The following HBEGF variants were observed in gnomAD, a reference collection of about 807,000 sequenced individuals.
HBEGF encodes the protein heparin binding EGF like growth factor.
A neutral mutation model predicts 19.5 loss-of-function variants in HBEGF; 8 were observed. That is an observed-to-expected ratio of 0.41 (90% CI 0.24 to 0.74). The LOEUF (loss-of-function observed/expected upper bound fraction) is 0.74, where lower values mean the gene tolerates loss of function less well. HBEGF is among the 30% of genes least tolerant of loss of function. HBEGF has a pLI of 0.32. For synonymous variants in HBEGF, 97 were observed against 108.9 expected, an observed-to-expected ratio of 0.89 and a Z score of 0.68; for missense variants, 207 against 256.9, an observed-to-expected ratio of 0.81 and a Z score of 1.33.
chr5:140,344,043 C>T (rs1766356107), intron 2 of HBEGF, among the ~76,000 whole-genome samples: 1 of 151,704 alleles, frequency 6.6e-6, no homozygotes, highest in South Asian at 2.1e-4. Context: ...GAGGCTGAGG[C>T]AGGAGAATCA....
intron 2 of HBEGF, 119 bp downstream of exon 2, chr5:140,345,792 C>T: frequency 8.1e-7 from 1 of 1,240,556 alleles, no homozygotes; most frequent in Non-Finnish European, 1.2e-6. Context: ...ATCAGCTTTT[C>T]CCCGAGGTTC....
chr5:140,333,708 G>C lies in HBEGF; in HGVS notation c.*591C>G, dbSNP rs536403592. The C allele has an allele frequency of 6.6e-6, 1 of 152,640 alleles. No homozygotes were observed. Among genetic ancestry groups the C allele is most frequent in the East Asian group, 1.9e-4 (1 of 5,188 alleles). The allele number at this position is 152,640 out of a possible 1,614,324, so 9.5% of individuals were successfully genotyped here. On this transcript the variant is annotated 3_prime_UTR_variant, in exon 6 of 6. Coordinates refer to ENST00000230990, the MANE Select transcript of HBEGF (RefSeq NM_001945.3). ...AATAAAATAAATATATAATTTAAGA[G>C]GCATTTACAAACAACAACAACAAAA...
chr5:140,336,127 G>A (rs1766224320), intron 3 of HBEGF, 100 bp from the exon 4 acceptor site: 1 of 1,240,416 alleles, frequency 8.1e-7, no homozygotes, highest in Admixed American at 2.1e-5. Context: ...CATACCCTCA[G>A]CCTGTCAATC....
At chr5:140,339,390 TTTA>T (rs1314101366) in intron 3 of HBEGF, among the ~76,000 whole-genome samples, 2 of 152,108 alleles carry the variant, frequency 1.3e-5, no homozygotes, top group Non-Finnish European at 2.9e-5. Flanking sequence ...CTTTTATTTA[TTTA>T]TTATTATTAT....
chr5:140,346,019 T>A lies in HBEGF; in HGVS notation c.112A>T (p.Ser38Cys). ...RLRRGLAAGT[S>C]NPDPPTVSTD... ...GATACAGTGGGAGGGTCCGGGTTGC[T>A]GGTTCCAGCAGCTAGCCCTCTCCGA... The change falls in exon 2 of 6, where the codon AGC becomes TGC. Residue 38 changes from serine (S) to cysteine (C), a missense_variant. Physicochemically the swap from Ser to Cys is moderately radical, Grantham distance 112. Around this residue, in one of 3 missense-constraint regions of HBEGF, gnomAD observed 127 missense variants for 132.7 expected, o/e 0.96. Transcript: ENST00000230990. This position sits in a 1 kb window ranked among gnomAD's most constrained non-coding sequence, Gnocchi z 6.1. 6.2e-7 allele frequency: 1 copy of A among 1,614,136 alleles called. No homozygotes were observed. Among genetic ancestry groups the A allele is most frequent in the Middle Eastern group, 1.7e-4 (1 of 6,060 alleles).
intron 3 of HBEGF, among the ~76,000 whole-genome samples, chr5:140,336,934 T>C (rs1471229356): frequency 6.6e-6 from 1 of 150,812 alleles, no homozygotes; most frequent in Non-Finnish European, 1.5e-5. Flanking sequence ...ATTCAAGTGA[T>C]TCTCCTGCCC....
chr5:140,342,036 C>T (rs113581968), intron 3 of HBEGF, among the ~76,000 whole-genome samples: 38 of 152,318 alleles, frequency 2.5e-4, no homozygotes, highest in African/African-American at 7.5e-4. Flanking sequence ...TCTCTCACAA[C>T]GTGGCCAAAG....
chr5:140,336,753 C>A (rs373041295), intron 3 of HBEGF, among the ~76,000 whole-genome samples: 166 of 152,278 alleles, frequency 1.1e-3, no homozygotes, highest in African/African-American at 3.8e-3. Flanking sequence ...GCATGGAAGA[C>A]TGTCAGAAAC....
chr5:140,340,020 C>T (rs1474661419), intron 3 of HBEGF, among the ~76,000 whole-genome samples: 1 of 152,198 alleles, frequency 6.6e-6, no homozygotes, highest in Non-Finnish European at 1.5e-5. Context: ...GAAGTGGTGG[C>T]CCACGCCTGT....
At chr5:140,345,476 GCA>G (rs1561543779) in intron 2 of HBEGF, among the ~76,000 whole-genome samples, 1 of 152,164 alleles carries the variant, frequency 6.6e-6, no homozygotes, top group Admixed American at 6.5e-5. Flanking sequence ...GGCCAACACT[GCA>G]CACTTTCTAG....
In HBEGF at chr5:140,333,685, T is replaced by C. The variant is rs780098072; in HGVS notation, c.*614A>G. On this transcript the variant is annotated 3_prime_UTR_variant, in exon 6 of 6. Transcript: ENST00000230990. ...ACTAAATAAATTAACATACATAGAA[T>C]AAAATAAATATATAATTTAAGAGGC... is the stretch of plus-strand genomic sequence containing the variant. The C allele has an allele frequency of 6.6e-5, 10 of 152,606 alleles. No homozygotes were observed. The highest frequency in any genetic ancestry group is 1.2e-4 in the Non-Finnish European group (8 of 68,032). 9.5% of individuals were successfully genotyped at this position (152,606 alleles called of 1,614,324 possible).
At chr5:140,336,833 T>TC (rs1055490307) in intron 3 of HBEGF, among the ~76,000 whole-genome samples, 10 of 145,986 alleles carry the variant, frequency 6.8e-5, no homozygotes, top group Admixed American at 2.0e-4. Flanking sequence ...TTTTTCTTTT[T>TC]TTTTTTTTTT....
chr5:140,335,303 G>A (rs1286933157), intron 4 of HBEGF, among the ~76,000 whole-genome samples: 3 of 149,482 alleles, frequency 2.0e-5, no homozygotes, highest in South Asian at 2.1e-4. Flanking sequence ...AGAATGGCGT[G>A]AACCCAGGAG....
intron 3 of HBEGF, among the ~76,000 whole-genome samples, chr5:140,341,303 G>C (rs952354103): frequency 6.6e-6 from 1 of 152,208 alleles, no homozygotes; most frequent in African/African-American, 2.4e-5. Context: ...ATCTGGTATA[G>C]ACAGATTCCT....
intron 4 of HBEGF, among the ~76,000 whole-genome samples, chr5:140,335,426 G>A (rs758062070): frequency 3.3e-5 from 5 of 151,250 alleles, no homozygotes; most frequent in Non-Finnish European, 5.9e-5. Flanking sequence ...CAGGCATAGA[G>A]TGCTTGGTGG....
rs975726231 is a variant in HBEGF at position 140,346,227 on chromosome 5, C to T, written c.46+56G>A. On this transcript the variant is annotated intron_variant, in intron 1 of 5. Transcript: ENST00000230990. The surrounding 1 kb of genome is among the most constrained non-coding windows in gnomAD (Gnocchi z 6.1). ...GCGCTGCGGCGACCTTCCCCCATGC[C>T]CCCAGCACAACGCCCCCATCCCCCC... The T allele has an allele frequency of 6.4e-7, 1 of 1,569,514 alleles. No homozygotes were observed. Among genetic ancestry groups the T allele is most frequent in the South Asian group, 1.2e-5 (1 of 86,474 alleles).
rs1462469756 is a variant in HBEGF at position 140,334,102 on chromosome 5, T to C, written c.*197A>G. On this transcript the variant is annotated 3_prime_UTR_variant, in exon 6 of 6. Transcript: ENST00000230990. ...TTGCTTTCTTCTTACCCAGATACCATCGGACATACTCTGTTTGGCACTTGA... is the reference window on the plus strand; with the variant it reads ...TTGCTTTCTTCTTACCCAGATACCACCGGACATACTCTGTTTGGCACTTGA... 6.5e-6 allele frequency: 1 copy of C among 153,120 alleles called. No individual in the cohort carries two copies. Among genetic ancestry groups the C allele is most frequent in the Non-Finnish European group, 1.5e-5 (1 of 68,454 alleles). The allele number at this position is 153,120 out of a possible 1,614,324, so 9.5% of individuals were successfully genotyped here.
intron 2 of HBEGF, among the ~76,000 whole-genome samples, chr5:140,343,681 C>G (rs1766350071): frequency 6.6e-6 from 1 of 152,200 alleles, no homozygotes; most frequent in Non-Finnish European, 1.5e-5. Context: ...AGATATCCAG[C>G]TGGGATTGAC....
At position 140,343,934 on chromosome 5, in the gene HBEGF, C is replaced by T. The variant is rs939646825; in HGVS notation, c.221-1122G>A. 1.8e-4 allele frequency among the ~76,000 whole-genome samples: 28 copies of T among 152,204 alleles called. No homozygotes were observed. In the East Asian group the frequency reaches 5.4e-3, roughly 29 times the overall value. Reference sequence around the variant, plus strand: ...GGTGGATCACCTGAGGTCGGGAGTTCGAGACCAGCCTTGCCAACATGGCAA... The same window carrying T: ...GGTGGATCACCTGAGGTCGGGAGTTTGAGACCAGCCTTGCCAACATGGCAA... On this transcript the variant is annotated intron_variant, in intron 2 of 5. Transcript: ENST00000230990.
Sources: gnomAD v4.1 joint callset for allele counts (sites outside exome capture counted in the v4.1 genomes callset) on GRCh38, gnomAD v4.1.1 for gene constraint, gnomAD v4.1.1 regional missense constraint, Gnocchi (gnomAD v3.1) non-coding constraint, MANE v1.5 for transcripts, NCBI Gene and HGNC (gene_info 2026-07-23, HGNC 2026-07-21) for gene names.